Variants in BANK1 observed in about 807,000 individuals in gnomAD.
The protein encoded by BANK1 is B-cell scaffold protein with ankyrin repeats.
In BANK1, 95 loss-of-function variants were observed where a neutral mutation model predicts 94.5. The observed-to-expected ratio is 1.00, with a 90% CI of 0.85 to 1.19. The LOEUF is 1.19. Among genes scored for constraint, BANK1 ranks in the 50% most tolerant of loss-of-function variants. The pLI, the probability that BANK1 is intolerant of heterozygous loss-of-function variation, is 0.00. For missense variants in BANK1, 987 were observed against 932.2 expected (o/e 1.06, Z -0.77); for synonymous variants, 334 against 308.4 (o/e 1.08, Z -0.87).
chr4:102,016,123 A>G (rs1367240909), intron 7 of BANK1, among the ~76,000 whole-genome samples: 2 of 152,146 alleles, frequency 1.3e-5, no homozygotes, highest in Admixed American at 1.3e-4. Flanking sequence ...ATATTTTAAG[A>G]CTCAGATTTA....
At chr4:101,983,342 G>C (rs898897142) in intron 7 of BANK1, among the ~76,000 whole-genome samples, 6 of 152,078 alleles carry the variant, frequency 3.9e-5, no homozygotes, top group African/African-American at 1.2e-4. Context: ...CAAAAGATCA[G>C]ACTCTGGGAT....
At chr4:101,990,548 T>A (rs1404037319) in intron 7 of BANK1, among the ~76,000 whole-genome samples, 1 of 152,196 alleles carries the variant, frequency 6.6e-6, no homozygotes, top group African/African-American at 2.4e-5. Flanking sequence ...GCAAACTGTT[T>A]TGACATGTGA....
chr4:101,961,068 C>G (rs1724551453), intron 7 of BANK1, among the ~76,000 whole-genome samples: 1 of 152,180 alleles, frequency 6.6e-6, no homozygotes, highest in Non-Finnish European at 1.5e-5. Flanking sequence ...CTAAAATCTC[C>G]TTTCCCAGTT....
chr4:101,880,617 C>T (rs1221524363), intron 5 of BANK1, among the ~76,000 whole-genome samples: 2 of 151,914 alleles, frequency 1.3e-5, no homozygotes, highest in Non-Finnish European at 2.9e-5. Context: ...TCAGAATAGC[C>T]AAAGCAACTC....
At chr4:101,858,418 C>T (rs1047524173) in intron 3 of BANK1, among the ~76,000 whole-genome samples, 1 of 152,140 alleles carries the variant, frequency 6.6e-6, no homozygotes, top group Non-Finnish European at 1.5e-5. Context: ...TCAGAAATGA[C>T]TTCCATATTT....
intron 6 of BANK1, among the ~76,000 whole-genome samples, chr4:101,904,578 C>G (rs535248686): frequency 1.5e-3 from 230 of 152,230 alleles, no homozygotes; most frequent in African/African-American, 5.5e-3. Context: ...GTGGTTCTTT[C>G]AAACCTTGCA....
chr4:102,047,810 G>C (rs993028318), intron 11 of BANK1, among the ~76,000 whole-genome samples: 10 of 151,998 alleles, frequency 6.6e-5, no homozygotes, highest in Non-Finnish European at 1.5e-4. Flanking sequence ...TATCCTGGCT[G>C]TCCCACAGAG....
At chr4:102,011,108 C>G (rs1212103342) in intron 7 of BANK1, among the ~76,000 whole-genome samples, 1 of 152,174 alleles carries the variant, frequency 6.6e-6, no homozygotes, top group African/African-American at 2.4e-5. Context: ...AATCATCCTT[C>G]CATCAAATGC....
At chr4:101,851,189 A>G (rs898762996) in intron 2 of BANK1, among the ~76,000 whole-genome samples, 1 of 152,230 alleles carries the variant, frequency 6.6e-6, no homozygotes, top group Non-Finnish European at 1.5e-5. Flanking sequence ...TACTCCAGTG[A>G]ACACACAAAT....
chr4:101,853,294 C>G (rs1011038866), intron 2 of BANK1, among the ~76,000 whole-genome samples: 2 of 152,146 alleles, frequency 1.3e-5, no homozygotes, highest in Admixed American at 1.3e-4. Context: ...AAGGGAGGCT[C>G]TCTTTTGTTA....
intron 7 of BANK1, among the ~76,000 whole-genome samples, chr4:101,999,806 T>C (rs751302205): frequency 3.3e-5 from 5 of 152,140 alleles, no homozygotes; most frequent in Admixed American, 6.6e-5. Context: ...ACTTGAAGAA[T>C]AAGTAGGAGT....
At chr4:101,886,761 T>G (rs1464246394) in intron 5 of BANK1, among the ~76,000 whole-genome samples, 3 of 135,034 alleles carry the variant, frequency 2.2e-5, no homozygotes, top group Non-Finnish European at 3.3e-5. Flanking sequence ...AACAATATAT[T>G]GGGGGGGGGG....
chr4:101,842,620 G>A (rs962988411), intron 2 of BANK1, among the ~76,000 whole-genome samples: 1 of 152,146 alleles, frequency 6.6e-6, no homozygotes, highest in African/African-American at 2.4e-5. Flanking sequence ...TACTTGCAGA[G>A]AACTAGATCA....
chr4:101,857,284 C>T (rs1192819967), intron 3 of BANK1, among the ~76,000 whole-genome samples: 2 of 152,190 alleles, frequency 1.3e-5, no homozygotes, highest in African/African-American at 2.4e-5. Context: ...GATTCATACC[C>T]AGTATCTTCA....
At chr4:101,805,105 G>A (rs900683979) in intron 1 of BANK1, among the ~76,000 whole-genome samples, 2 of 152,068 alleles carry the variant, frequency 1.3e-5, no homozygotes, top group Non-Finnish European at 2.9e-5. Flanking sequence ...ACATCAAAAT[G>A]TTCTAAAATT....
At chr4:101,999,187 A>G (rs913354440) in intron 7 of BANK1, among the ~76,000 whole-genome samples, 1 of 152,104 alleles carries the variant, frequency 6.6e-6, no homozygotes, top group Non-Finnish European at 1.5e-5. Context: ...TTTACTGCAC[A>G]CTCAGTTGAA....
intron 6 of BANK1, among the ~76,000 whole-genome samples, chr4:101,907,204 C>A (rs1406120037): frequency 6.6e-6 from 1 of 152,150 alleles, no homozygotes; most frequent in Non-Finnish European, 1.5e-5. Flanking sequence ...AGCTTATCCA[C>A]CATGATCAAG....
intron 5 of BANK1, among the ~76,000 whole-genome samples, chr4:101,888,828 T>C (rs1353697943): frequency 6.6e-6 from 1 of 152,222 alleles, no homozygotes; most frequent in Non-Finnish European, 1.5e-5. Context: ...TCCTATAACA[T>C]ATCCTTTTAC....
At chr4:101,836,278 G>A (rs941894969) in intron 2 of BANK1, among the ~76,000 whole-genome samples, 206 of 152,114 alleles carry the variant, frequency 1.4e-3, no homozygotes, top group African/African-American at 4.5e-3. Flanking sequence ...GTCAGGAGTC[G>A]AGACCAGGCT....
Sources: gnomAD v4.1 joint callset for allele counts (sites outside exome capture counted in the v4.1 genomes callset) on GRCh38, gnomAD v4.1.1 for gene constraint, MANE v1.5 for transcripts, NCBI Gene and HGNC (gene_info 2026-07-23, HGNC 2026-07-21) for gene names.